Variants in STT3B observed in about 807,000 individuals in gnomAD.
The protein encoded by STT3B is STT3 oligosaccharyltransferase complex catalytic subunit B, also known as dolichyl-diphosphooligosaccharide--protein glycosyltransferase subunit STT3B.
Under a neutral mutation model 96.8 loss-of-function variants are expected in STT3B, and 29 were observed. The observed-to-expected ratio is 0.30, with a 90% CI of 0.22 to 0.41. The LOEUF (loss-of-function observed/expected upper bound fraction) is 0.41. Among genes scored for constraint, STT3B ranks in the 10% least tolerant of loss-of-function variants. STT3B has a pLI of 1.00. For synonymous variants in STT3B, 367 were observed against 360.0 expected (o/e 1.02, Z -0.22); for missense variants, 640 against 1,022.3 (o/e 0.63, Z 5.10).
intron 5 of STT3B, among the ~76,000 whole-genome samples, chr3:31,606,599 C>A (rs1699059893): frequency 6.6e-6 from 1 of 152,184 alleles, no homozygotes; most frequent in Non-Finnish European, 1.5e-5. Flanking sequence ...TTGGGAGCCT[C>A]CACCTAGATT....
intron 1 of STT3B, among the ~76,000 whole-genome samples, chr3:31,574,638 T>C (rs1403285249): frequency 6.6e-6 from 1 of 152,182 alleles, no homozygotes; most frequent in African/African-American, 2.4e-5. Context: ...TAGCATTAGC[T>C]TAGCTTTCCA....
intron 1 of STT3B, among the ~76,000 whole-genome samples, chr3:31,568,303 A>T (rs1698055819): frequency 6.6e-6 from 1 of 152,208 alleles, no homozygotes; most frequent in South Asian, 2.1e-4. Context: ...GGCTATTATG[A>T]ATAATGCTGC....
At chr3:31,616,686 T>C (rs1179874175) in intron 6 of STT3B, among the ~76,000 whole-genome samples, 7 of 151,592 alleles carry the variant, frequency 4.6e-5, no homozygotes, top group South Asian at 2.1e-4. Context: ...GGATTTTTTT[T>C]CCCCTTTGGT....
At chr3:31,612,513 C>T (rs1005937805) in intron 5 of STT3B, among the ~76,000 whole-genome samples, 4 of 152,060 alleles carry the variant, frequency 2.6e-5, no homozygotes, top group African/African-American at 9.7e-5. Flanking sequence ...TAGCATTAAC[C>T]TATGTTTACC....
intron 3 of STT3B, among the ~76,000 whole-genome samples, chr3:31,590,334 TA>T (rs1269911888): frequency 6.6e-6 from 1 of 152,032 alleles, no homozygotes; most frequent in East Asian, 1.9e-4. Flanking sequence ...TATTTCCTTC[TA>T]ATTCACACTT....
At chr3:31,603,379 G>A (rs1698975989) in intron 5 of STT3B, among the ~76,000 whole-genome samples, 1 of 151,928 alleles carries the variant, frequency 6.6e-6, no homozygotes, top group African/African-American at 2.4e-5. Context: ...AATTGAGCAA[G>A]GGAGGTGTAA....
At position 31,636,882 on chromosome 3, in the gene STT3B, C is replaced by T. The variant is rs1335484246; in HGVS notation, c.*818C>T. On this transcript the variant is annotated 3_prime_UTR_variant, in exon 16 of 16. Transcript: ENST00000295770. ...AGTACTGAAGTTAGCACTATGTTTA[C>T]ATGCAAAAGATTAAGGAAAAAACCC... 1 of 152,154 alleles carries T rather than the reference C, an allele frequency of 6.6e-6. No homozygotes were observed. The highest frequency in any genetic ancestry group is 1.5e-5 in the Non-Finnish European group (1 of 68,026). 9.4% of individuals were successfully genotyped at this position (152,154 alleles called of 1,614,324 possible).
intron 5 of STT3B, among the ~76,000 whole-genome samples, chr3:31,602,381 G>C (rs1397892846): frequency 1.3e-5 from 2 of 151,842 alleles, no homozygotes; most frequent in Non-Finnish European, 2.9e-5. Context: ...TTGTTGTTTT[G>C]TGTAAATTTA....
intron 9 of STT3B, chr3:31,620,144 G>T: frequency 2.9e-6 from 1 of 340,202 alleles, no homozygotes; most frequent in Non-Finnish European, 5.3e-6. Flanking sequence ...ACATGGTGGT[G>T]CATGCCTGTA....
intron 1 of STT3B, among the ~76,000 whole-genome samples, chr3:31,539,587 C>G (rs1157789348): frequency 6.6e-6 from 1 of 152,112 alleles, no homozygotes; most frequent in Admixed American, 6.5e-5. Flanking sequence ...CAACTTAAGT[C>G]TTAAAATACT....
chr3:31,606,828 C>T (rs991242092), intron 5 of STT3B, among the ~76,000 whole-genome samples: 3 of 152,162 alleles, frequency 2.0e-5, no homozygotes, highest in Admixed American at 6.5e-5. Context: ...TTGCACCATG[C>T]GCCTAGAAAA....
At chr3:31,601,952 G>A (rs996470967) in intron 5 of STT3B, among the ~76,000 whole-genome samples, 1 of 152,152 alleles carries the variant, frequency 6.6e-6, no homozygotes, top group African/African-American at 2.4e-5. Context: ...CTTGAACTCA[G>A]ATTTTGGCTT....
Position 31,626,032 on chromosome 3 carries a change from A to C in STT3B, c.1978A>C (p.Ile660Leu). 3 of 1,613,772 alleles carry C rather than the reference A, an allele frequency of 1.9e-6. No homozygotes were observed. Among genetic ancestry groups the C allele is most frequent in the Non-Finnish European group, 2.5e-6 (3 of 1,179,822 alleles). ...TCTAGATGTAGATTATGTTTTGGTTATTTTTGGAGGGGTTATTGGCTATTC... is the reference window on the plus strand; with the variant it reads ...TCTAGATGTAGATTATGTTTTGGTTCTTTTTGGAGGGGTTATTGGCTATTC... ...RTLDVDYVLV[I>L]FGGVIGYSGD... The change falls in exon 13 of 16, where the codon ATT becomes CTT. Residue 660 changes from isoleucine (I) to leucine (L), a missense_variant. Ile to Leu is a conservative substitution (Grantham distance 5, BLOSUM62 2). Around this residue, in one of 8 missense-constraint regions of STT3B, gnomAD observed 149 missense variants for 250.2 expected, o/e 0.60. Transcript: ENST00000295770.
intron 3 of STT3B, among the ~76,000 whole-genome samples, chr3:31,595,333 C>G (rs1464823002): frequency 6.6e-6 from 1 of 152,220 alleles, no homozygotes; most frequent in African/African-American, 2.4e-5. Flanking sequence ...ACCATACTTA[C>G]AAAGTCCTAA....
chr3:31,615,296 T>G (rs1043602311), intron 6 of STT3B, 93 bp downstream of exon 6: 16 of 949,126 alleles, frequency 1.7e-5, no homozygotes, highest in South Asian at 5.0e-5. Context: ...TCATTTTGGT[T>G]GTTGCAATGA....
intron 2 of STT3B, among the ~76,000 whole-genome samples, chr3:31,577,759 G>A (rs893006708): frequency 6.6e-6 from 1 of 152,130 alleles, no homozygotes; most frequent in African/African-American, 2.4e-5. Flanking sequence ...GTTCTGCATT[G>A]TGAATTGGAG....
chr3:31,550,295 C>G (rs1575409006), intron 1 of STT3B, among the ~76,000 whole-genome samples: 1 of 152,286 alleles, frequency 6.6e-6, no homozygotes, highest in East Asian at 1.9e-4. Flanking sequence ...CAGAGTAGCT[C>G]TAAGGAGTCT....
At chr3:31,571,408 T>C (rs1298476766) in intron 1 of STT3B, among the ~76,000 whole-genome samples, 2 of 152,076 alleles carry the variant, frequency 1.3e-5, no homozygotes, top group Non-Finnish European at 2.9e-5. Flanking sequence ...TTTATTTTAT[T>C]CTAGGAAAAT....
intron 1 of STT3B, among the ~76,000 whole-genome samples, chr3:31,548,719 G>T (rs1017825271): frequency 6.6e-6 from 1 of 152,106 alleles, no homozygotes; most frequent in Non-Finnish European, 1.5e-5. Context: ...TGTTCGGAAA[G>T]GGGGTGAAGA....
Sources: allele counts gnomAD v4.1 joint callset (sites outside exome capture counted in the v4.1 genomes callset), GRCh38; gene constraint gnomAD v4.1.1; regional missense constraint gnomAD v4.1.1; transcripts MANE v1.5; gene names NCBI Gene and HGNC (gene_info 2026-07-23, HGNC 2026-07-21).